The following SETD3 variants were observed in gnomAD, a reference collection of about 807,000 sequenced individuals.
The protein encoded by SETD3 is SET domain containing 3, actin N3(tau)-histidine methyltransferase, also known as actin-histidine N-methyltransferase.
A neutral mutation model predicts 63.0 loss-of-function variants in SETD3; 19 were observed. The observed-to-expected ratio is 0.30, with a 90% CI of 0.21 to 0.44. SETD3 has a LOEUF of 0.44. Among genes scored for constraint, SETD3 ranks in the 20% least tolerant of loss-of-function variants. The probability of loss-of-function intolerance (pLI) is 1.00; values close to 1 mark genes in which losing one functional copy is unlikely to be tolerated. For synonymous variants in SETD3, 286 were observed against 264.1 expected (o/e 1.08, Z -0.80); for missense variants, 587 against 728.5 (o/e 0.81, Z 2.24).
In SETD3 at chr14:99,450,219, G is replaced by A. The variant is rs140720213; in HGVS notation, c.675+8060C>T. ...AATTTCAGGGCCTTGGGATCTTTAA[G>A]CTGATGCCCAGAGGTTTTCACTCTA... On this transcript the variant is annotated intron_variant, in intron 6 of 12. Transcript: ENST00000331768. Among the ~76,000 whole-genome samples, 293 of 152,316 alleles carry A rather than the reference G, an allele frequency of 1.9e-3. 1 individual carries two copies. Among genetic ancestry groups the A allele is most frequent in the African/African-American group, 6.8e-3 (283 of 41,566 alleles).
intron 11 of SETD3, among the ~76,000 whole-genome samples, chr14:99,400,976 C>T (rs1014783803): frequency 3.0e-4 from 46 of 151,956 alleles, no homozygotes; most frequent in African/African-American, 1.0e-3. Context: ...CCCATCTCTA[C>T]AAAAAATACA....
At chr14:99,456,482 T>C (rs1894768418) in intron 6 of SETD3, among the ~76,000 whole-genome samples, 1 of 152,236 alleles carries the variant, frequency 6.6e-6, no homozygotes, top group Non-Finnish European at 1.5e-5. Flanking sequence ...TCATTATAAA[T>C]TATACAAATT....
intron 6 of SETD3, among the ~76,000 whole-genome samples, chr14:99,419,733 C>T (rs1217869050): frequency 6.6e-6 from 1 of 150,814 alleles, no homozygotes; most frequent in African/African-American, 2.4e-5. Flanking sequence ...CGAGATCCCG[C>T]CACTGCACTC....
At position 99,398,536 on chromosome 14, in the gene SETD3, A is replaced by T. The variant is rs933379556; in HGVS notation, c.*143T>A. 3.6e-6 allele frequency: 3 copies of T among 838,846 alleles called. No homozygotes were observed. The highest frequency in any genetic ancestry group is 5.4e-6 in the Non-Finnish European group (3 of 558,662). 52.0% of individuals were successfully genotyped at this position (838,846 alleles called of 1,614,324 possible). The stretch of plus-strand genomic sequence containing the variant: ...GGAAGCTAGATTTTTAAAATAACTT[A>T]AAAAAACCATTTTTATATAAAGCAG... On this transcript the variant is annotated 3_prime_UTR_variant, in exon 13 of 13. Coordinates refer to ENST00000331768, the MANE Select transcript of SETD3 (RefSeq NM_032233.3).
Position 99,458,261 on chromosome 14 carries a change from T to C in SETD3, c.675+18A>G, listed in dbSNP as rs1229819227. 3 of 1,602,866 alleles carry C rather than the reference T, an allele frequency of 1.9e-6. No individual in the cohort carries two copies. Among genetic ancestry groups the C allele is most frequent in the South Asian group, 1.1e-5 (1 of 90,088 alleles). On this transcript the variant is annotated intron_variant, in intron 6 of 12. Transcript: ENST00000331768. ...CCACTCTGTGAAATATATACTTAAA[T>C]TGCAAACAGCTGCTCACCTGGATGA...
chr14:99,441,713 G>A (rs891271509), intron 6 of SETD3, among the ~76,000 whole-genome samples: 1 of 152,208 alleles, frequency 6.6e-6, no homozygotes, highest in Non-Finnish European at 1.5e-5. Flanking sequence ...GGAGTGGACT[G>A]CAGTGAGGGA....
intron 6 of SETD3, among the ~76,000 whole-genome samples, chr14:99,419,255 C>A (rs1441902328): frequency 6.6e-6 from 1 of 152,194 alleles, no homozygotes; most frequent in South Asian, 2.1e-4. Context: ...AGATTTTCTG[C>A]CTTTCGCTTA....
At chr14:99,421,728 T>G (rs764980938) in intron 6 of SETD3, among the ~76,000 whole-genome samples, 10 of 152,180 alleles carry the variant, frequency 6.6e-5, no homozygotes, top group Non-Finnish European at 1.5e-4. Context: ...TGGCACTTAT[T>G]AGCCTCATTC....
intron 6 of SETD3, among the ~76,000 whole-genome samples, chr14:99,437,593 C>T (rs879681282): frequency 6.6e-6 from 1 of 152,114 alleles, no homozygotes; most frequent in Non-Finnish European, 1.5e-5. Flanking sequence ...CAGGTAACTA[C>T]CAAAAAAGAA....
intron 6 of SETD3, among the ~76,000 whole-genome samples, chr14:99,443,041 T>C (rs1479196181): frequency 6.6e-6 from 1 of 152,166 alleles, no homozygotes; most frequent in Non-Finnish European, 1.5e-5. Flanking sequence ...CATTTTCTTA[T>C]CTTCTGATAG....
upstream of SETD3, chr14:99,481,413 T>G: frequency 2.5e-6 from 1 of 395,588 alleles, no homozygotes. Flanking sequence ...GTCCCCGACA[T>G]TCCATATACA....
intron 6 of SETD3, among the ~76,000 whole-genome samples, chr14:99,425,102 C>A (rs1047423013): frequency 6.6e-6 from 1 of 152,136 alleles, no homozygotes; most frequent in African/African-American, 2.4e-5. Flanking sequence ...TCACTTCTCC[C>A]TACTTCTTTT....
At chr14:99,400,424 G>C (rs987414516) in intron 11 of SETD3, among the ~76,000 whole-genome samples, 165 bp from the exon 12 acceptor site, 1 of 152,204 alleles carries the variant, frequency 6.6e-6, no homozygotes, top group African/African-American at 2.4e-5. Context: ...CCAAAGTAGA[G>C]CAGAGCTAAG....
intron 8 of SETD3, chr14:99,412,115 G>A (rs1200177916): frequency 6.6e-6 from 1 of 152,206 alleles, no homozygotes; most frequent in Non-Finnish European, 1.5e-5. Context: ...CAGTATACTA[G>A]TATAAAGTAT....
Position 99,406,601 on chromosome 14 carries a change from G to C in SETD3, c.850-11C>G, listed in dbSNP as rs1891696146. 2 of 1,613,330 alleles carry C rather than the reference G, an allele frequency of 1.2e-6. No individual in the cohort carries two copies. The highest frequency in any genetic ancestry group is 2.7e-5 in the African/African-American group (2 of 74,900). ...GTAACCAGTAGTGATCTAGCCCGGG[G>C]AGGAGGAAGGAAATGATGGTGAGGC... On this transcript the variant is annotated splice_polypyrimidine_tract_variant and intron_variant, in intron 8 of 12. Coordinates refer to ENST00000331768, the MANE Select transcript of SETD3 (RefSeq NM_032233.3).
At chr14:99,407,777 G>A (rs1039639416) in intron 8 of SETD3, among the ~76,000 whole-genome samples, 1 of 152,062 alleles carries the variant, frequency 6.6e-6, no homozygotes. Flanking sequence ...TCCAGCCCAA[G>A]TCACGTTATC....
intron 6 of SETD3, among the ~76,000 whole-genome samples, chr14:99,450,932 T>C (rs1894423683): frequency 1.3e-5 from 2 of 152,310 alleles, no homozygotes; most frequent in South Asian, 4.1e-4. Context: ...TAAGCTAATC[T>C]TCAGACAAGC....
chr14:99,469,126 G>A lies in SETD3; in HGVS notation c.-8-3313C>T, dbSNP rs151281840. Among the ~76,000 whole-genome samples the A allele has an allele frequency of 1.1e-4, 16 of 152,320 alleles. No individual in the cohort carries two copies. In the East Asian group the frequency reaches 2.9e-3, roughly 28 times the overall value. ...CCGTTGACAGTAATTCTACAGTCGAGTACTTGTAACTCCAATTGTTCTCAA... is the reference window on the plus strand; with the variant it reads ...CCGTTGACAGTAATTCTACAGTCGAATACTTGTAACTCCAATTGTTCTCAA... On this transcript the variant is annotated intron_variant, in intron 1 of 12. Transcript: ENST00000331768.
chr14:99,465,976 T>C (rs567690850), intron 1 of SETD3, among the ~76,000 whole-genome samples, 163 bp from the exon 2 acceptor site: 3 of 152,164 alleles, frequency 2.0e-5, no homozygotes, highest in African/African-American at 7.2e-5. Context: ...TATTAGTATC[T>C]AGAGGTTCTC....
Sources: gnomAD v4.1 joint callset for allele counts (sites outside exome capture counted in the v4.1 genomes callset) on GRCh38, gnomAD v4.1.1 for gene constraint, MANE v1.5 for transcripts, NCBI Gene and HGNC (gene_info 2026-07-23, HGNC 2026-07-21) for gene names.